Variants in TMEM255B observed in about 807,000 individuals in gnomAD.
TMEM255B encodes the protein family with sequence similarity 70, member B.
In TMEM255B, 35 loss-of-function variants were observed where a neutral mutation model predicts 34.5. That is an observed-to-expected ratio of 1.01 (90% CI 0.77 to 1.34). The LOEUF (loss-of-function observed/expected upper bound fraction) is 1.34. TMEM255B is among the 40% of genes most tolerant of loss of function. TMEM255B has a pLI of 0.00. For synonymous variants in TMEM255B, 206 were observed against 201.2 expected (o/e 1.02, Z -0.20); for missense variants, 432 against 433.2 (o/e 1.00, Z 0.02).
intron 2 of TMEM255B, among the ~76,000 whole-genome samples, chr13:113,766,996 G>T (rs1440355746): frequency 6.6e-6 from 1 of 152,218 alleles, no homozygotes; most frequent in Admixed American, 6.5e-5. Flanking sequence ...GTGAACCTCT[G>T]TTGGAATGGC....
In TMEM255B at chr13:113,770,782, T is replaced by C. The variant is rs1461692269; in HGVS notation, c.252+1622T>C. On this transcript the variant is annotated intron_variant, in intron 3 of 8. Transcript: ENST00000375353. This position sits in a 1 kb window ranked among gnomAD's most constrained non-coding sequence, Gnocchi z 4.6. The stretch of plus-strand genomic sequence containing the variant: ...CAGACGCCACCTTTGGGAGCCAGCA[T>C]GCCCCCATGATGGTCTCTAGACAGC... Among the ~76,000 whole-genome samples the C allele has an allele frequency of 6.6e-6, 1 of 152,100 alleles. No homozygotes were observed. The highest frequency in any genetic ancestry group is 2.4e-5 in the African/African-American group (1 of 41,416).
intron 1 of TMEM255B, among the ~76,000 whole-genome samples, chr13:113,759,560 C>CT (rs1288357547): frequency 6.6e-6 from 1 of 152,204 alleles, no homozygotes; most frequent in Non-Finnish European, 1.5e-5. Context: ...GTCTCTGTCT[C>CT]TGTCTCTCTC....
intron 1 of TMEM255B, 95 bp downstream of exon 1, chr13:113,759,410 C>A: frequency 8.8e-7 from 1 of 1,139,056 alleles, no homozygotes; most frequent in Non-Finnish European, 1.1e-6. Context: ...CCGGGCGGAA[C>A]CTGCGCGGAG....
Position 113,769,332 on chromosome 13 carries a change from C to T in TMEM255B, c.252+172C>T, listed in dbSNP as rs545250779. On this transcript the variant is annotated intron_variant, in intron 3 of 8. Transcript: ENST00000375353. This position sits in a 1 kb window ranked among gnomAD's most constrained non-coding sequence, Gnocchi z 4.2. ...GCACAGTCCTGGATACAGGGTTCAG[C>T]GAGTACCATTCACACCTTAGTCTAA... 2.0e-5 allele frequency among the ~76,000 whole-genome samples: 3 copies of T among 152,248 alleles called. No individual in the cohort carries two copies. The highest frequency in any genetic ancestry group is 3.9e-4 in the East Asian group (2 of 5,172).
intron 3 of TMEM255B, among the ~76,000 whole-genome samples, chr13:113,781,423 C>T (rs967015678): frequency 6.6e-6 from 1 of 152,224 alleles, no homozygotes; most frequent in Non-Finnish European, 1.5e-5. Context: ...TCCCGTGCCT[C>T]CTTATAATCT....
chr13:113,792,169 T>A (rs7489365), intron 3 of TMEM255B, among the ~76,000 whole-genome samples: 62,443 of 152,024 alleles, frequency 0.41, 14,095 homozygotes, highest in East Asian at 0.72. Flanking sequence ...ATTACATTTT[T>A]AATGTATTTT....
At chr13:113,774,606 C>CCACACAATACACACCACATAT (rs1566724145) in intron 3 of TMEM255B, among the ~76,000 whole-genome samples, 1 of 147,164 alleles carries the variant, frequency 6.8e-6, no homozygotes, top group Non-Finnish European at 1.5e-5. Context: ...AAATGACACA[C>CCACACAATACACACCACATAT]ACCACACAAT....
At chr13:113,796,028 CCATA>C (rs2050924702) in intron 4 of TMEM255B, among the ~76,000 whole-genome samples, 1 of 107,782 alleles carries the variant, frequency 9.3e-6, no homozygotes, top group Admixed American at 1.0e-4. Flanking sequence ...AGCACACACA[CCATA>C]ACAGAGCACA....
At chr13:113,805,990 C>T (rs757247891) in intron 8 of TMEM255B, among the ~76,000 whole-genome samples, 17 of 152,254 alleles carry the variant, frequency 1.1e-4, no homozygotes, top group Admixed American at 3.9e-4. Context: ...TGTTTCTGTG[C>T]GGGGAAGGGC....
At chr13:113,776,894 C>T (rs1291091038) in intron 3 of TMEM255B, among the ~76,000 whole-genome samples, 2 of 152,130 alleles carry the variant, frequency 1.3e-5, no homozygotes, top group South Asian at 2.1e-4. Flanking sequence ...CTGACGCCCA[C>T]CCACAGGTCC....
chr13:113,790,124 A>G (rs1308874841), intron 3 of TMEM255B, among the ~76,000 whole-genome samples: 1 of 149,130 alleles, frequency 6.7e-6, no homozygotes, highest in Non-Finnish European at 1.5e-5. Flanking sequence ...GCACATGGAC[A>G]TCCTAGTGCT....
intron 3 of TMEM255B, among the ~76,000 whole-genome samples, chr13:113,779,227 T>A (rs1005826103): frequency 6.6e-6 from 1 of 152,182 alleles, no homozygotes; most frequent in Non-Finnish European, 1.5e-5. Context: ...TGGGGGTTTT[T>A]AATCAAGGGG....
intron 1 of TMEM255B, among the ~76,000 whole-genome samples, chr13:113,764,118 G>A (rs1348119893): frequency 6.6e-6 from 1 of 152,108 alleles, no homozygotes; most frequent in East Asian, 1.9e-4. Context: ...GTGGCCTGGG[G>A]TGGGATGGGC....
chr13:113,791,565 G>T (rs1420121282), intron 3 of TMEM255B, among the ~76,000 whole-genome samples: 2 of 152,162 alleles, frequency 1.3e-5, no homozygotes, highest in African/African-American at 4.8e-5. Context: ...ACTCAACCAG[G>T]AGCAGGGAAG....
intron 1 of TMEM255B, among the ~76,000 whole-genome samples, chr13:113,765,285 T>A (rs899865229): frequency 6.6e-6 from 1 of 152,328 alleles, no homozygotes; most frequent in Middle Eastern, 3.4e-3. Flanking sequence ...TATAGTTTTG[T>A]GAAACTCATT....
At position 113,803,533 on chromosome 13, in the gene TMEM255B, G is replaced by T. The variant is rs150157838; in HGVS notation, c.670-1352G>T. On this transcript the variant is annotated intron_variant, in intron 7 of 8. Transcript: ENST00000375353. Reference sequence around the variant, plus strand: ...AGGGGCCTCCTCCGCGTGTGACTCCGTGGCCCCCGTGTTCTCTGCTTTCTG... The same window carrying T: ...AGGGGCCTCCTCCGCGTGTGACTCCTTGGCCCCCGTGTTCTCTGCTTTCTG... Among the ~76,000 whole-genome samples the T allele has an allele frequency of 2.3e-3, 347 of 148,040 alleles. 15 individuals are homozygous for T. Among genetic ancestry groups the T allele is most frequent in the African/African-American group, 7.2e-3 (293 of 40,596 alleles).
At chr13:113,789,428 T>G (rs560847094) in intron 3 of TMEM255B, among the ~76,000 whole-genome samples, 97 of 152,304 alleles carry the variant, frequency 6.4e-4, no homozygotes, top group African/African-American at 2.3e-3. Context: ...CTATGCACGT[T>G]CTAGGTCACA....
intron 1 of TMEM255B, among the ~76,000 whole-genome samples, chr13:113,765,104 A>G (rs549265153): frequency 2.6e-5 from 4 of 152,264 alleles, no homozygotes; most frequent in African/African-American, 9.6e-5. Flanking sequence ...TCTTGGGACA[A>G]GTGTATCTTT....
At chr13:113,781,687 T>C (rs2050668353) in intron 3 of TMEM255B, among the ~76,000 whole-genome samples, 1 of 152,102 alleles carries the variant, frequency 6.6e-6, no homozygotes, top group South Asian at 2.1e-4. Flanking sequence ...AGCAGGCAAG[T>C]TGTACAGCTA....
Sources: allele counts gnomAD v4.1 joint callset (sites outside exome capture counted in the v4.1 genomes callset), GRCh38; gene constraint gnomAD v4.1.1; non-coding constraint Gnocchi (gnomAD v3.1); transcripts MANE v1.5; gene names NCBI Gene and HGNC (gene_info 2026-07-23, HGNC 2026-07-21).